The following RFX4 variants were observed in gnomAD, a reference collection of about 807,000 sequenced individuals.
RFX4 encodes the protein transcription factor RFX4.
A neutral mutation model predicts 95.0 loss-of-function variants in RFX4; 10 were observed. The observed-to-expected ratio is 0.11, with a 90% CI of 0.06 to 0.18. The LOEUF (loss-of-function observed/expected upper bound fraction) is 0.18, where lower values mean the gene tolerates loss of function less well. RFX4 is among the 10% of genes least tolerant of loss of function. The probability of loss-of-function intolerance (pLI) is 1.00; values close to 1 mark genes in which losing one functional copy is unlikely to be tolerated. For synonymous variants in RFX4, 321 were observed against 340.7 expected, an observed-to-expected ratio of 0.94 and a Z score of 0.64; for missense variants, 640 against 922.0, an observed-to-expected ratio of 0.69 and a Z score of 3.96.
intron 3 of RFX4, among the ~76,000 whole-genome samples, chr12:106,651,916 G>C (rs1336065336): frequency 6.6e-6 from 1 of 152,188 alleles, no homozygotes; most frequent in Non-Finnish European, 1.5e-5. Flanking sequence ...TGAGACCCCA[G>C]TTTGAGAAAG....
intron 5 of RFX4, among the ~76,000 whole-genome samples, chr12:106,686,171 G>A (rs2041640072): frequency 6.6e-6 from 1 of 152,120 alleles, no homozygotes; most frequent in South Asian, 2.1e-4. Flanking sequence ...CCAGCACTTT[G>A]GGAGGCCAAG....
Position 106,720,695 on chromosome 12 carries a change from CAA to C in RFX4, c.1234-62_1234-61del. The stretch of plus-strand genomic sequence containing the variant: ...AGCCACTTCAACCGGCCTCATTTTT[CAA>C]AGAGACAGTAATAAATGAAAGGTCA... On this transcript the variant is annotated intron_variant, in intron 12 of 17. Coordinates refer to ENST00000392842, the MANE Select transcript of RFX4 (RefSeq NM_213594.3). This position sits in a 1 kb window ranked among gnomAD's most constrained non-coding sequence, Gnocchi z 4.2. 1.3e-6 allele frequency: 2 copies of C among 1,510,616 alleles called. No homozygotes were observed. Among genetic ancestry groups the C allele is most frequent in the Middle Eastern group, 1.8e-4 (1 of 5,450 alleles). The allele number at this position is 1,510,616 out of a possible 1,614,324, so 93.6% of individuals were successfully genotyped here. A position where few individuals can be genotyped will look rare whatever the true frequency, so the allele number is the denominator to read the frequency against.
intron 13 of RFX4, among the ~76,000 whole-genome samples, chr12:106,721,455 A>G (rs1194501346): frequency 6.6e-6 from 1 of 152,214 alleles, no homozygotes; most frequent in Admixed American, 6.5e-5. Flanking sequence ...CTAGTATAAC[A>G]GGGCTTGAAA....
chr12:106,689,409 C>T, intron 7 of RFX4, 45 bp downstream of exon 7: 1 of 1,459,258 alleles, frequency 6.9e-7, no homozygotes, highest in Non-Finnish European at 9.6e-7. Context: ...TATTAAAAAT[C>T]TTGTAACACT....
At chr12:106,737,162 G>GTTTTTTTTTTTTTTTTTTTTTTTTT (rs556116618) in intron 15 of RFX4, among the ~76,000 whole-genome samples, 1 of 54,890 alleles carries the variant, frequency 1.8e-5, no homozygotes, top group Non-Finnish European at 3.5e-5. Context: ...CGGAACTAAA[G>GTTTTTTTTTTTTTTTTTTTTTTTTT]TTTTTTTTTT....
intron 3 of RFX4, among the ~76,000 whole-genome samples, chr12:106,646,247 G>A (rs1023497021): frequency 6.6e-6 from 1 of 151,836 alleles, no homozygotes; most frequent in Non-Finnish European, 1.5e-5. Flanking sequence ...AGAGTACTGG[G>A]TATAGGTGGA....
rs1360667441 is a variant in RFX4, at chr12:106,586,058, CCGG to C, written c.43+2698_43+2700del. 1 of 152,238 alleles carries C rather than the reference CCGG, an allele frequency of 6.6e-6. No individual in the cohort carries two copies. Among genetic ancestry groups the C allele is most frequent in the Non-Finnish European group, 1.5e-5 (1 of 68,068 alleles). 9.4% of individuals were successfully genotyped at this position (152,238 alleles called of 1,614,324 possible). ...GGCCCGGTCGGGGGAAGCTGGGCAGCCGGCGCGCGCCTCCTGGGCCCTAGGCGC... is the reference window on the plus strand; with the variant it reads ...GGCCCGGTCGGGGGAAGCTGGGCAGCCGCGCGCCTCCTGGGCCCTAGGCGC... On this transcript the variant is annotated intron_variant, in intron 1 of 17. Coordinates refer to ENST00000392842, the MANE Select transcript of RFX4 (RefSeq NM_213594.3). This position sits in a 1 kb window ranked among gnomAD's most constrained non-coding sequence, Gnocchi z 5.6.
Position 106,608,780 on chromosome 12 carries a change from C to CTTTTTT in RFX4, c.44-8_44-3dup. ...TTCTTTTTCTTTTCTTTCTTTCTTT[C>CTTTTTT]TTTTTTTTTTTTTTAGAGAGCTGGA... On this transcript the variant is annotated splice_polypyrimidine_tract_variant and intron_variant, in intron 1 of 17. Coordinates refer to ENST00000392842, the MANE Select transcript of RFX4 (RefSeq NM_213594.3). 5.6e-6 allele frequency: 8 copies of CTTTTTT among 1,421,318 alleles called. No individual in the cohort carries two copies. The highest frequency in any genetic ancestry group is 2.7e-5 in the South Asian group (2 of 75,384). The allele number at this position is 1,421,318 out of a possible 1,614,324, so 88.0% of individuals were successfully genotyped here.
At chr12:106,602,538 T>C (rs910881369) in intron 1 of RFX4, among the ~76,000 whole-genome samples, 3 of 152,094 alleles carry the variant, frequency 2.0e-5, no homozygotes, top group African/African-American at 7.2e-5. Context: ...CCCAAGCCCG[T>C]CTCTGTCTTC....
At chr12:106,744,740 C>G (rs112087927) in intron 15 of RFX4, among the ~76,000 whole-genome samples, 1 of 152,252 alleles carries the variant, frequency 6.6e-6, no homozygotes, top group African/African-American at 2.4e-5. Context: ...GTGTGTGGCA[C>G]AAAGTGTGTG....
intron 9 of RFX4, among the ~76,000 whole-genome samples, chr12:106,710,082 T>C (rs965722287): frequency 6.6e-6 from 1 of 152,240 alleles, no homozygotes; most frequent in African/African-American, 2.4e-5. Context: ...TCAATCTGCC[T>C]GTACTTGCAG....
At position 106,654,054 on chromosome 12, in the gene RFX4, A is replaced by G. The variant is rs567177966; in HGVS notation, c.192-174A>G. The stretch of plus-strand genomic sequence containing the variant: ...GGATTCTGACACTGCCAAGCCACTA[A>G]TGCCAGGCATGACCTTGGGCAGCTT... On this transcript the variant is annotated intron_variant, in intron 3 of 17. Coordinates refer to ENST00000392842, the MANE Select transcript of RFX4 (RefSeq NM_213594.3). Among the ~76,000 whole-genome samples the G allele has an allele frequency of 3.9e-5, 6 of 152,282 alleles. No homozygotes were observed. The South Asian group carries it at 1.0e-3, about 26-fold the overall frequency.
rs780005792 is a variant in RFX4 at position 106,586,293 on chromosome 12, T to C, written c.43+2930T>C. Among the ~76,000 whole-genome samples, 7 of 151,564 alleles carry C rather than the reference T, an allele frequency of 4.6e-5. No homozygotes were observed. Among genetic ancestry groups the C allele is most frequent in the Non-Finnish European group, 1.0e-4 (7 of 67,842 alleles). On this transcript the variant is annotated intron_variant, in intron 1 of 17. Coordinates refer to ENST00000392842, the MANE Select transcript of RFX4 (RefSeq NM_213594.3). This position sits in a 1 kb window ranked among gnomAD's most constrained non-coding sequence, Gnocchi z 5.6. ...CAGCCCCACGCCGCGCAAAAGTGGG[T>C]GCTGAGCCCCGCGTGGCCTGCGCTC...
intron 2 of RFX4, among the ~76,000 whole-genome samples, chr12:106,621,280 GT>G (rs2040181530): frequency 1.3e-5 from 2 of 152,220 alleles, no homozygotes; most frequent in African/African-American, 4.8e-5. Flanking sequence ...GCTCCAGCCG[GT>G]TCCTCTGTTC....
chr12:106,601,473 C>A, intron 1 of RFX4: 1 of 956,412 alleles, frequency 1.0e-6, no homozygotes, highest in Non-Finnish European at 1.6e-6. Flanking sequence ...GTTTCTGGAG[C>A]TGCAATTTCC....
intron 2 of RFX4, among the ~76,000 whole-genome samples, chr12:106,626,464 T>C (rs1024980341): frequency 2.0e-5 from 3 of 151,938 alleles, no homozygotes; most frequent in African/African-American, 7.3e-5. Flanking sequence ...TCATGGGAAA[T>C]AGGGCTAGGA....
rs554194788 is a variant in RFX4 at position 106,696,078 on chromosome 12, T to C, written c.670-205T>C. 1.2e-4 allele frequency among the ~76,000 whole-genome samples: 19 copies of C among 152,298 alleles called. No individual in the cohort carries two copies. The East Asian group carries it at 3.3e-3, about 26-fold the overall frequency. ...CTAGTCAGTTCCCCAGCAGTGTGCA[T>C]GTTGCATGCCTAGGCAGAGGGAAGA... On this transcript the variant is annotated intron_variant, in intron 7 of 17. Transcript: ENST00000392842.
At chr12:106,663,117 A>AGAT (rs1026153992) in intron 4 of RFX4, among the ~76,000 whole-genome samples, 2 of 152,052 alleles carry the variant, frequency 1.3e-5, no homozygotes, top group African/African-American at 4.8e-5. Flanking sequence ...ATTCTGATTG[A>AGAT]GATTGTATTG....
At chr12:106,757,347 A>C (rs1256378923) in intron 17 of RFX4, among the ~76,000 whole-genome samples, 1 of 152,114 alleles carries the variant, frequency 6.6e-6, no homozygotes, top group Non-Finnish European at 1.5e-5. Flanking sequence ...CAGAAGTTTG[A>C]GATCAGCCTG....
Sources: gnomAD v4.1 joint callset for allele counts (sites outside exome capture counted in the v4.1 genomes callset) on GRCh38, gnomAD v4.1.1 for gene constraint, Gnocchi (gnomAD v3.1) non-coding constraint, MANE v1.5 for transcripts, NCBI Gene and HGNC (gene_info 2026-07-23, HGNC 2026-07-21) for gene names.